Variants in CSNK1G1 observed in about 807,000 individuals in gnomAD.
The protein encoded by CSNK1G1 is casein kinase I isoform gamma-1.
CSNK1G1 carries 22 observed loss-of-function variants against 59.6 expected under a neutral mutation model. The observed-to-expected ratio is 0.37, with a 90% CI of 0.26 to 0.53. The LOEUF (loss-of-function observed/expected upper bound fraction) is 0.53. Among genes scored for constraint, CSNK1G1 ranks in the 20% least tolerant of loss-of-function variants. The probability of loss-of-function intolerance (pLI) is 0.89; values close to 1 mark genes in which losing one functional copy is unlikely to be tolerated. For synonymous variants in CSNK1G1, 179 were observed against 177.1 expected, an observed-to-expected ratio of 1.01 and a Z score of -0.08; for missense variants, 384 against 519.5, an observed-to-expected ratio of 0.74 and a Z score of 2.54.
intron 2 of CSNK1G1, among the ~76,000 whole-genome samples, chr15:64,288,128 A>G (rs1350870455): frequency 6.6e-6 from 1 of 152,222 alleles, no homozygotes; most frequent in Non-Finnish European, 1.5e-5. Flanking sequence ...ATTGATAACT[A>G]AGAATTTTTT....
Position 64,188,249 on chromosome 15 carries a change from A to T in CSNK1G1, c.1108-7795T>A, listed in dbSNP as rs1347586607. 3 of 636,932 alleles carry T rather than the reference A, an allele frequency of 4.7e-6. No homozygotes were observed. Among genetic ancestry groups the T allele is most frequent in the Non-Finnish European group, 8.0e-6 (3 of 377,108 alleles). 39.5% of individuals were successfully genotyped at this position (636,932 alleles called of 1,614,324 possible). ...CCAAGTCCACCTAGACAGAAAATCT[A>T]CAGAGATATTCAATTAGCCCTTCCT... On this transcript the variant is annotated intron_variant, in intron 10 of 11. Coordinates refer to ENST00000303052, the MANE Select transcript of CSNK1G1 (RefSeq NM_022048.5). This position sits in a 1 kb window ranked among gnomAD's most constrained non-coding sequence, Gnocchi z 4.2.
chr15:64,198,719 C>A, intron 10 of CSNK1G1, among the ~76,000 whole-genome samples: 1 of 141,788 alleles, frequency 7.1e-6, no homozygotes, highest in African/African-American at 2.9e-5. Context: ...GATTTGGCTG[C>A]AAATTTTCTT....
intron 4 of CSNK1G1, among the ~76,000 whole-genome samples, chr15:64,224,784 G>A (rs987063230): frequency 1.3e-5 from 2 of 152,162 alleles, no homozygotes; most frequent in African/African-American, 4.8e-5. Context: ...GGTGGGGGAA[G>A]AGGCAGTGAG....
chr15:64,236,142 C>CAAAAAAAAAAAAAAAA (rs532663571), intron 4 of CSNK1G1, among the ~76,000 whole-genome samples: 2 of 67,988 alleles, frequency 2.9e-5, no homozygotes, highest in East Asian at 5.4e-4. Flanking sequence ...GACTCCATCT[C>CAAAAAAAAAAAAAAAA]AAAAAAAAAA....
intron 4 of CSNK1G1, among the ~76,000 whole-genome samples, chr15:64,230,606 G>A (rs1228732442): frequency 6.6e-6 from 1 of 152,066 alleles, no homozygotes; most frequent in Non-Finnish European, 1.5e-5. Context: ...CTGACTCTAG[G>A]CTTGGGCCTA....
chr15:64,228,818 C>G (rs988598429), intron 4 of CSNK1G1, among the ~76,000 whole-genome samples: 1 of 151,852 alleles, frequency 6.6e-6, no homozygotes, highest in Non-Finnish European at 1.5e-5. Context: ...AAGTTCAACA[C>G]CAGCCTGGGC....
chr15:64,353,638 C>T (rs1462586001), intron 1 of CSNK1G1, among the ~76,000 whole-genome samples: 1 of 101,996 alleles, frequency 9.8e-6, no homozygotes, highest in Admixed American at 1.3e-4. Flanking sequence ...CAGAGTGAGA[C>T]TCCATTTCAA....
At chr15:64,266,571 T>C (rs902255253) in intron 2 of CSNK1G1, among the ~76,000 whole-genome samples, 1 of 151,974 alleles carries the variant, frequency 6.6e-6, no homozygotes, top group Non-Finnish European at 1.5e-5. Flanking sequence ...CAAAATAATC[T>C]TGGGCAAAAA....
chr15:64,332,437 C>T (rs1485421849), intron 1 of CSNK1G1, among the ~76,000 whole-genome samples: 27 of 134,006 alleles, frequency 2.0e-4, no homozygotes, highest in Non-Finnish European at 3.3e-4. Flanking sequence ...AAAAACCAAA[C>T]ACCGCATATT....
chr15:64,316,278 T>G (rs1312759209), intron 1 of CSNK1G1, among the ~76,000 whole-genome samples: 1 of 152,098 alleles, frequency 6.6e-6, no homozygotes, highest in African/African-American at 2.4e-5. Flanking sequence ...GGCTCACGCC[T>G]GTAATCCCAA....
At chr15:64,178,812 C>T (rs2081773151) in intron 11 of CSNK1G1, among the ~76,000 whole-genome samples, 2 of 151,616 alleles carry the variant, frequency 1.3e-5, no homozygotes, top group Admixed American at 1.3e-4. Flanking sequence ...GTGACAGGGT[C>T]GCACCTATCA....
intron 3 of CSNK1G1, among the ~76,000 whole-genome samples, chr15:64,258,055 ACAAG>A (rs1227570344): frequency 1.3e-5 from 2 of 152,170 alleles, no homozygotes; most frequent in Non-Finnish European, 2.9e-5. Context: ...TAACTCCTCC[ACAAG>A]CAAGCTGGAT....
At chr15:64,215,421 C>A (rs1052878198) in intron 5 of CSNK1G1, among the ~76,000 whole-genome samples, 4 of 151,772 alleles carry the variant, frequency 2.6e-5, no homozygotes, top group African/African-American at 9.7e-5. Context: ...ACTGCGTTAG[C>A]CAGGATGGTC....
intron 4 of CSNK1G1, among the ~76,000 whole-genome samples, chr15:64,224,395 G>C (rs1004682066): frequency 6.6e-6 from 1 of 152,076 alleles, no homozygotes; most frequent in Non-Finnish European, 1.5e-5. Context: ...GCAGATAAAT[G>C]AGATGTTATT....
At chr15:64,277,805 T>TATATTAATATTGATATATTTA (rs1245950583) in intron 2 of CSNK1G1, among the ~76,000 whole-genome samples, 1 of 134,808 alleles carries the variant, frequency 7.4e-6, no homozygotes, top group Non-Finnish European at 1.5e-5. Flanking sequence ...ATATATTTAA[T>TATATTAATATTGATATATTTA]ATATTAATAT....
chr15:64,325,009 A>G (rs531890952), intron 1 of CSNK1G1, among the ~76,000 whole-genome samples: 1 of 152,330 alleles, frequency 6.6e-6, no homozygotes, highest in South Asian at 2.1e-4. Context: ...ATACTCTGTA[A>G]TATGTGTTAG....
At chr15:64,319,209 G>A (rs1387243641) in intron 1 of CSNK1G1, among the ~76,000 whole-genome samples, 1 of 152,092 alleles carries the variant, frequency 6.6e-6, no homozygotes, top group Non-Finnish European at 1.5e-5. Context: ...TTGGACAAAT[G>A]TTTCTAATGA....
At chr15:64,223,088 A>G (rs1216660091) in intron 4 of CSNK1G1, among the ~76,000 whole-genome samples, 1 of 152,162 alleles carries the variant, frequency 6.6e-6, no homozygotes, top group Non-Finnish European at 1.5e-5. Flanking sequence ...TGCAAGTTCT[A>G]CTCTGAGCCT....
chr15:64,196,680 G>A (rs2082042855), intron 10 of CSNK1G1, among the ~76,000 whole-genome samples: 2 of 151,858 alleles, frequency 1.3e-5, no homozygotes, highest in African/African-American at 4.8e-5. Flanking sequence ...TCGAACTCTC[G>A]ACCTCAGGTG....
Sources: allele counts gnomAD v4.1 joint callset (sites outside exome capture counted in the v4.1 genomes callset), GRCh38; gene constraint gnomAD v4.1.1; non-coding constraint Gnocchi (gnomAD v3.1); transcripts MANE v1.5; gene names NCBI Gene and HGNC (gene_info 2026-07-23, HGNC 2026-07-21).